The following MAPK8IP3 variants were observed in gnomAD, a reference collection of about 807,000 sequenced individuals.
The protein encoded by MAPK8IP3 is C-Jun-amino-terminal kinase-interacting protein 3.
In MAPK8IP3, 49 loss-of-function variants were observed where a neutral mutation model predicts 157.8. The ratio of observed to expected loss-of-function variants is 0.31; its 90% CI spans 0.25 to 0.39. MAPK8IP3 has a LOEUF of 0.39. Ranked by LOEUF, MAPK8IP3 falls within the 10% of genes least tolerant of loss-of-function variation. MAPK8IP3 has a pLI of 1.00. For synonymous variants in MAPK8IP3, 897 were observed against 777.7 expected (o/e 1.15, Z -2.55); for missense variants, 1,478 against 1,889.4 (o/e 0.78, Z 4.04).
At chr16:1,714,739 A>G (rs1224029679) in intron 1 of MAPK8IP3, among the ~76,000 whole-genome samples, 1 of 152,134 alleles carries the variant, frequency 6.6e-6, no homozygotes, top group East Asian at 1.9e-4. Context: ...GCCTCGGGTT[A>G]GAGCATTCAT....
intron 13 of MAPK8IP3, 28 bp from the exon 14 acceptor site, chr16:1,762,323 C>T: frequency 6.4e-7 from 1 of 1,551,092 alleles, no homozygotes. Flanking sequence ...CGAGGGCTGG[C>T]TGAGCCTCTG....
rs765748070 is a variant in MAPK8IP3, at chr16:1,762,683, G to A, written c.1679G>A (p.Arg560Gln). 4 of 1,558,196 alleles carry A rather than the reference G, an allele frequency of 2.6e-6. No individual in the cohort carries two copies. The highest frequency in any genetic ancestry group is 2.3e-5 in the East Asian group (1 of 44,310). ...TGTGCCCTCCCCTGCAGAGCGTCCC[G>A]AGAGCACCCATCCGTCCAGGAGAAG... The part of the protein sequence containing the change: ...VRWTEMIRAS[R>Q]EHPSVQEKKK... The change falls in exon 15 of 32, where the codon CGA (arginine) becomes CAA (glutamine). Residue 560 changes from arginine to glutamine, a missense_variant. By Grantham distance (43) the Arg-to-Gln change is conservative. Around this residue, in one of 11 missense-constraint regions of MAPK8IP3, gnomAD observed 669 missense variants for 759.8 expected, o/e 0.88. Coordinates refer to ENST00000610761, the MANE Select transcript of MAPK8IP3 (RefSeq NM_001318852.2).
intron 1 of MAPK8IP3, among the ~76,000 whole-genome samples, chr16:1,715,628 G>A (rs2038096140): frequency 6.6e-6 from 1 of 152,150 alleles, no homozygotes; most frequent in Non-Finnish European, 1.5e-5. Flanking sequence ...ACAAGAACGA[G>A]ATCTTTGATT....
intron 30 of MAPK8IP3, 32 bp downstream of exon 30, chr16:1,768,410 C>A: frequency 6.3e-7 from 1 of 1,598,138 alleles, no homozygotes; most frequent in South Asian, 1.1e-5. Flanking sequence ...CATCCACATC[C>A]CCTGCATGCC....
At chr16:1,732,701 C>T (rs1326599461) in intron 4 of MAPK8IP3, among the ~76,000 whole-genome samples, 2 of 152,138 alleles carry the variant, frequency 1.3e-5, no homozygotes, top group Non-Finnish European at 2.9e-5. Context: ...CAGGTGGTGC[C>T]AGCCATCCGC....
At chr16:1,767,975 C>T (rs2042373545) in intron 28 of MAPK8IP3, 57 bp downstream of exon 28, 1 of 1,607,016 alleles carries the variant, frequency 6.2e-7, no homozygotes, top group African/African-American at 1.3e-5. Context: ...TACGTGGGTT[C>T]ACGGGGTGGC....
At chr16:1,763,156 C>A (rs769238514) in intron 16 of MAPK8IP3, 150 bp downstream of exon 16, 1 of 996,882 alleles carries the variant, frequency 1.0e-6, no homozygotes, top group Non-Finnish European at 1.5e-6. Flanking sequence ...TCTCCCTGCA[C>A]ACTGCCTGCC....
intron 12 of MAPK8IP3, among the ~76,000 whole-genome samples, 189 bp from the exon 13 acceptor site, chr16:1,761,035 C>G (rs2041903182): frequency 6.6e-6 from 1 of 152,250 alleles, no homozygotes; most frequent in African/African-American, 2.4e-5. Flanking sequence ...TCAGGGCCAC[C>G]TGTCCCCAGG....
At chr16:1,719,687 A>AAAC (rs1555443526) in intron 1 of MAPK8IP3, among the ~76,000 whole-genome samples, 14 of 150,346 alleles carry the variant, frequency 9.3e-5, no homozygotes, top group African/African-American at 2.9e-4. Flanking sequence ...AAAAAAAAAA[A>AAAC]CCACAAAAAT....
At chr16:1,725,181 T>TATG (rs1292193608) in intron 2 of MAPK8IP3, among the ~76,000 whole-genome samples, 3 of 148,808 alleles carry the variant, frequency 2.0e-5, no homozygotes. Flanking sequence ...TTATTATTAT[T>TATG]ATTATAAGAA....
At chr16:1,762,267 C>T in intron 13 of MAPK8IP3, 84 bp from the exon 14 acceptor site, 1 of 1,475,128 alleles carries the variant, frequency 6.8e-7, no homozygotes, top group Non-Finnish European at 9.0e-7. Flanking sequence ...TGAGATCCAC[C>T]TATACGTGTA....
intron 19 of MAPK8IP3, 61 bp downstream of exon 19, chr16:1,764,520 C>T (rs2042144352): frequency 6.4e-7 from 1 of 1,564,410 alleles, no homozygotes. Flanking sequence ...AGCTCAGCTG[C>T]AGAGCATGCT....
chr16:1,738,767 CCG>C, intron 4 of MAPK8IP3, among the ~76,000 whole-genome samples: 1 of 113,280 alleles, frequency 8.8e-6, no homozygotes, highest in Non-Finnish European at 1.7e-5. Context: ...GTGTGAGCGT[CCG>C]TGTGAGCGTG....
chr16:1,740,993 C>T (rs543387573), intron 4 of MAPK8IP3, among the ~76,000 whole-genome samples: 1 of 152,246 alleles, frequency 6.6e-6, no homozygotes, highest in Admixed American at 6.5e-5. Context: ...TGGTCACAGA[C>T]GAAGGCACGG....
intron 4 of MAPK8IP3, among the ~76,000 whole-genome samples, chr16:1,737,601 CGT>C (rs1415336880): frequency 4.1e-4 from 24 of 57,954 alleles, no homozygotes; most frequent in South Asian, 1.3e-3. Flanking sequence ...TCCGTGTGAG[CGT>C]GTGACCGTCC....
At chr16:1,749,371 G>A (rs903655802) in intron 8 of MAPK8IP3, among the ~76,000 whole-genome samples, 4 of 151,848 alleles carry the variant, frequency 2.6e-5, no homozygotes, top group Non-Finnish European at 5.9e-5. Context: ...GAGGGTGCCC[G>A]CTTCTCTGCT....
intron 5 of MAPK8IP3, 29 bp from the exon 6 acceptor site, chr16:1,747,000 C>G: frequency 6.2e-7 from 1 of 1,608,442 alleles, no homozygotes; most frequent in South Asian, 1.1e-5. Context: ...CAGTGACTCG[C>G]TCTCCCTCCT....
Position 1,729,596 on chromosome 16 carries a change from G to T in MAPK8IP3, c.602+18G>T. ...GGGCGGAGGTACGCGGGGCGCGGCG[G>T]GGTGGAGGTACGCGGGGCGCGGCGG... On this transcript the variant is annotated intron_variant, in intron 4 of 31. Transcript: ENST00000610761. 1 of 1,576,848 alleles carries T rather than the reference G, an allele frequency of 6.3e-7. No homozygotes were observed. Among genetic ancestry groups the T allele is most frequent in the East Asian group, 2.3e-5 (1 of 43,820 alleles).
Position 1,767,629 on chromosome 16 carries a change from C to T in MAPK8IP3, c.3303C>T (p.Gly1101=). The T allele has an allele frequency of 3.1e-6, 5 of 1,612,588 alleles. No homozygotes were observed. Among genetic ancestry groups the T allele is most frequent in the Middle Eastern group, 1.7e-4 (1 of 5,890 alleles). ...QVRQLAWIGD[G]VWVSIRLDST... ...GGCAGCTGGCGTGGATCGGCGATGG[C>T]GTATGGGTGTCCATCCGCCTGGACT... The change falls in exon 27 of 32, where the codon GGC becomes GGT. Residue 1101 remains glycine (G), a synonymous_variant. Transcript: ENST00000610761.
Sources: gnomAD v4.1 joint callset for allele counts (sites outside exome capture counted in the v4.1 genomes callset) on GRCh38, gnomAD v4.1.1 for gene constraint, gnomAD v4.1.1 regional missense constraint, MANE v1.5 for transcripts, NCBI Gene and HGNC (gene_info 2026-07-23, HGNC 2026-07-21) for gene names.